Variants in LRRTM1 observed in about 807,000 individuals in gnomAD.
LRRTM1 encodes the protein leucine rich repeat transmembrane neuronal 1.
In LRRTM1, 8 loss-of-function variants were observed where a neutral mutation model predicts 37.3. That is an observed-to-expected ratio of 0.21 (90% CI 0.13 to 0.39). The LOEUF is 0.39. LRRTM1 is among the 10% of genes least tolerant of loss of function. The pLI is 1.00. For synonymous variants in LRRTM1, 326 were observed against 316.8 expected, an observed-to-expected ratio of 1.03 and a Z score of -0.31; for missense variants, 557 against 691.0, an observed-to-expected ratio of 0.81 and a Z score of 2.17.
chr2:80,293,327 C>G (rs979762072), intron 2 of LRRTM1, among the ~76,000 whole-genome samples: 2 of 152,202 alleles, frequency 1.3e-5, no homozygotes, highest in Non-Finnish European at 2.9e-5. Flanking sequence ...TACAATATCT[C>G]TAAGATAGAG....
At chr2:80,297,549 A>C (rs899214336), downstream of LRRTM1, among the ~76,000 whole-genome samples, 1 of 152,160 alleles carries the variant, frequency 6.6e-6, no homozygotes, top group Non-Finnish European at 1.5e-5. Context: ...AAAAAGCAAA[A>C]GTCTTCAGAA....
chr2:80,293,465 G>C (rs544469498), intron 2 of LRRTM1, among the ~76,000 whole-genome samples: 22 of 152,294 alleles, frequency 1.4e-4, no homozygotes, highest in South Asian at 1.0e-3. Flanking sequence ...TATGACAGAA[G>C]ATCCAATCTT....
intron 2 of LRRTM1, among the ~76,000 whole-genome samples, chr2:80,291,698 A>C (rs1056117961): frequency 2.0e-5 from 3 of 152,136 alleles, no homozygotes; most frequent in Non-Finnish European, 1.5e-5. Flanking sequence ...GCAGTTTTTC[A>C]CCTCCAGGAA....
At chr2:80,289,869 A>G (rs1465819380) in intron 2 of LRRTM1, among the ~76,000 whole-genome samples, 1 of 152,178 alleles carries the variant, frequency 6.6e-6, no homozygotes, top group Non-Finnish European at 1.5e-5. Flanking sequence ...CCTGCTACGG[A>G]TGATGGAGTA....
rs1025183636 is a variant in LRRTM1 at position 80,304,114 on chromosome 2, C to A, written c.-60+38G>T. ...AAAGAAAAGGGAGGAAAAAAAAAAT[C>A]TTCGGGAAAGAATTTAATTAAAAAG... On this transcript the variant is annotated intron_variant, in intron 1 of 1. Transcript: ENST00000295057. 8.2e-5 allele frequency: 27 copies of A among 330,990 alleles called. No homozygotes were observed. The Admixed American group carries it at 9.1e-4, about 11-fold the overall frequency. 20.5% of individuals were successfully genotyped at this position (330,990 alleles called of 1,614,324 possible). A position where few individuals can be genotyped will look rare whatever the true frequency, so the allele number is the denominator to read the frequency against.
In LRRTM1 at chr2:80,302,467, C is replaced by T. The variant is rs374796505; in HGVS notation, c.1353G>A (p.Lys451=). The change falls in exon 2 of 2, where the codon AAG becomes AAA. Residue 451 remains lysine (K), a synonymous_variant. Coordinates refer to ENST00000295057, the MANE Select transcript of LRRTM1 (RefSeq NM_178839.5). The surrounding 1 kb of genome is among the most constrained non-coding windows in gnomAD (Gnocchi z 6.4). The stretch of plus-strand genomic sequence containing the variant: ...GCTGCCTGAGGCTGGCTGGGAAACA[C>T]TTCCAGGACACGTAGAGCACCAGGA... The part of the protein sequence containing the change: ...IVVLVLYVSW[K]CFPASLRQLR... The T allele has an allele frequency of 3.7e-6, 6 of 1,614,164 alleles. No individual in the cohort carries two copies. The highest frequency in any genetic ancestry group is 2.5e-6 in the Non-Finnish European group (3 of 1,180,048).
In LRRTM1 at chr2:80,303,574, G is replaced by C. The variant is rs751884495; in HGVS notation, c.246C>G (p.Ala82=). 6.2e-7 allele frequency: 1 copy of C among 1,614,230 alleles called. No homozygotes were observed. Among genetic ancestry groups the C allele is most frequent in the South Asian group, 1.1e-5 (1 of 91,090 alleles). The change falls in exon 2 of 2, where the codon GCC becomes GCG. Residue 82 remains alanine, a synonymous_variant. Coordinates refer to ENST00000295057, the MANE Select transcript of LRRTM1 (RefSeq NM_178839.5). The surrounding 1 kb of genome is among the most constrained non-coding windows in gnomAD (Gnocchi z 7.7). ...LRYNSLSELR[A]GQFTGLMQLT... ...GCTGCATTAACCCCGTGAACTGGCC[G>C]GCGCGCAGCTCCGAGAGGCTGTTGT... is the stretch of plus-strand genomic sequence containing the variant.
At position 80,302,711 on chromosome 2, in the gene LRRTM1, G is replaced by C; in HGVS notation, c.1109C>G (p.Thr370Ser). The change falls in exon 2 of 2, where the codon ACC becomes AGC. Residue 370 changes from threonine to serine, a missense_variant. Physicochemically the swap from Thr to Ser is moderately conservative, Grantham distance 58 (BLOSUM62 1). This residue lies in a region of LRRTM1 where 89 missense variants were observed against 80.7 expected (regional missense o/e 1.10). Coordinates refer to ENST00000295057, the MANE Select transcript of LRRTM1 (RefSeq NM_178839.5). This position sits in a 1 kb window ranked among gnomAD's most constrained non-coding sequence, Gnocchi z 6.4. ...FHLCEDGAEP[T>S]SGHLLSAVTN... is the part of the protein sequence containing the mutation. Reference sequence around the variant, plus strand: ...GACGGCCGAGAGCAGGTGGCCGCTGGTGGGCTCGGCCCCATCCTCGCACAG... The same window carrying C: ...GACGGCCGAGAGCAGGTGGCCGCTGCTGGGCTCGGCCCCATCCTCGCACAG... 6.2e-7 allele frequency: 1 copy of C among 1,612,828 alleles called. No homozygotes were observed. The highest frequency in any genetic ancestry group is 8.5e-7 in the Non-Finnish European group (1 of 1,179,816).
At position 80,303,763 on chromosome 2, in the gene LRRTM1, C is replaced by T. The variant is rs759019705; in HGVS notation, c.57G>A (p.Gly19=). 6.4e-7 allele frequency: 1 copy of T among 1,571,160 alleles called. No individual in the cohort carries two copies. The highest frequency in any genetic ancestry group is 8.6e-7 in the Non-Finnish European group (1 of 1,160,022). Residue 19 remains glycine, a synonymous_variant, in exon 2 of 2, where the codon GGG becomes GGA. Coordinates refer to ENST00000295057, the MANE Select transcript of LRRTM1 (RefSeq NM_178839.5). The surrounding 1 kb of genome is among the most constrained non-coding windows in gnomAD (Gnocchi z 7.7). ...CLYWLLRRPS[G]VVLCLLGACF... ...AGGCCCCCAGCAGACACAAGACCAC[C>T]CCCGAGGGCCTCCTCAGCAGCCAGT... is the stretch of plus-strand genomic sequence containing the variant.
downstream of LRRTM1, chr2:80,298,120 A>G (rs1343566945): frequency 6.6e-6 from 1 of 151,632 alleles, no homozygotes; most frequent in Non-Finnish European, 1.5e-5. Flanking sequence ...GAGAGGTAGG[A>G]GTGTGTGTGT....
intron 2 of LRRTM1, among the ~76,000 whole-genome samples, chr2:80,293,444 A>G (rs1675443763): frequency 6.6e-6 from 1 of 152,224 alleles, no homozygotes; most frequent in South Asian, 2.1e-4. Flanking sequence ...CTTTGGTTTA[A>G]GGAGGTAAAA....
At chr2:80,300,582 C>A (rs575847553), downstream of LRRTM1, among the ~76,000 whole-genome samples, 3 of 151,978 alleles carry the variant, frequency 2.0e-5, no homozygotes, top group Non-Finnish European at 4.4e-5. Flanking sequence ...GTGTGGTTCC[C>A]CATCCCCCCA....
In LRRTM1 at chr2:80,302,666, C is replaced by A; in HGVS notation, c.1154G>T (p.Gly385Val). The change falls in exon 2 of 2, where the codon GGG (glycine) becomes GTG (valine). Residue 385 changes from glycine (G) to valine (V), a missense_variant. Physicochemically the swap from Gly to Val is moderately radical, Grantham distance 109. This residue lies in a region of LRRTM1 where 89 missense variants were observed against 80.7 expected (regional missense o/e 1.10). Coordinates refer to ENST00000295057, the MANE Select transcript of LRRTM1 (RefSeq NM_178839.5). The surrounding 1 kb of genome is among the most constrained non-coding windows in gnomAD (Gnocchi z 6.4). ...LSAVTNRSDL[G>V]PPASSATTLA... ...CGTGGTGGCCGAGCTGGCAGGGGGC[C>A]CCAGATCACTGCGGTTGGTGACGGC... The A allele has an allele frequency of 1.2e-6, 2 of 1,611,360 alleles. No homozygotes were observed. Among genetic ancestry groups the A allele is most frequent in the Non-Finnish European group, 1.7e-6 (2 of 1,179,586 alleles).
chr2:80,296,143 C>T (rs1675720982), intron 2 of LRRTM1, among the ~76,000 whole-genome samples: 1 of 152,012 alleles, frequency 6.6e-6, no homozygotes, highest in African/African-American at 2.4e-5. Flanking sequence ...CAATGTGTAA[C>T]AATTGCATCA....
intron 2 of LRRTM1, among the ~76,000 whole-genome samples, chr2:80,289,918 A>G (rs13402891): frequency 0.13 from 19,927 of 152,218 alleles, 2,443 homozygotes; most frequent in African/African-American, 0.32. Flanking sequence ...AAGAGCAGGA[A>G]TTTAAATCCC....
intron 2 of LRRTM1, among the ~76,000 whole-genome samples, chr2:80,294,601 GC>G (rs1346521112): frequency 6.6e-6 from 1 of 151,972 alleles, no homozygotes; most frequent in Non-Finnish European, 1.5e-5. Flanking sequence ...GTGCTTCTCA[GC>G]CTTAGCTGAA....
In LRRTM1 at chr2:80,302,589, C is replaced by CGG; in HGVS notation, c.1229_1230dup (p.Val411ProfsTer93). 6.2e-7 allele frequency: 1 copy of CGG among 1,606,888 alleles called. No homozygotes were observed. The highest frequency in any genetic ancestry group is 8.5e-7 in the Non-Finnish European group (1 of 1,178,980). ...GCGTGCTCGCCGCCTGGAAGAGCCA[C>CGG]GGTGGCAGGCTCGAATGTGCCGTCG... On this transcript the variant is annotated frameshift_variant, in exon 2 of 2. Transcript: ENST00000295057. LOFTEE classifies it high-confidence loss of function. This position sits in a 1 kb window ranked among gnomAD's most constrained non-coding sequence, Gnocchi z 6.4.
At chr2:80,291,389 C>T (rs1675223713) in intron 2 of LRRTM1, among the ~76,000 whole-genome samples, 1 of 152,194 alleles carries the variant, frequency 6.6e-6, no homozygotes, top group African/African-American at 2.4e-5. Flanking sequence ...AACCAACTTG[C>T]TCAAGGGCCA....
chr2:80,292,421 C>A (rs914639556), intron 2 of LRRTM1, among the ~76,000 whole-genome samples: 2 of 151,924 alleles, frequency 1.3e-5, no homozygotes, highest in South Asian at 2.1e-4. Flanking sequence ...AGTTGTTGAC[C>A]CACCCCAACC....
Sources: gnomAD v4.1 joint callset for allele counts (sites outside exome capture counted in the v4.1 genomes callset) on GRCh38, gnomAD v4.1.1 for gene constraint, gnomAD v4.1.1 regional missense constraint, Gnocchi (gnomAD v3.1) non-coding constraint, MANE v1.5 for transcripts, NCBI Gene and HGNC (gene_info 2026-07-23, HGNC 2026-07-21) for gene names.